The following C3orf49 variants were observed in gnomAD, a reference collection of about 807,000 sequenced individuals.
C3orf49 encodes the protein putative uncharacterized protein C3orf49.
Under a neutral mutation model 13.3 loss-of-function variants are expected in C3orf49, and 27 were observed. The ratio of observed to expected loss-of-function variants is 2.02; its 90% CI spans 1.49 to 2.79. The LOEUF (loss-of-function observed/expected upper bound fraction) is 2.79, where lower values mean the gene tolerates loss of function less well. Ranked by LOEUF, C3orf49 falls within the 30% of genes most tolerant of loss-of-function variation. The pLI is 0.00. For synonymous variants in C3orf49, 87 were observed against 47.6 expected, an observed-to-expected ratio of 1.83 and a Z score of -3.40; for missense variants, 242 against 134.2, an observed-to-expected ratio of 1.80 and a Z score of -3.97.
chr3:63,781,117 T>C, the C3orf49 span, among the ~76,000 whole-genome samples: 3 of 151,096 alleles, frequency 2.0e-5, no homozygotes, highest in Non-Finnish European at 2.9e-5. Flanking sequence ...GTTTTTATGG[T>C]TTTAGGTCTA....
At chr3:63,801,584 A>G in the C3orf49 span, among the ~76,000 whole-genome samples, 1 of 152,202 alleles carries the variant, frequency 6.6e-6, no homozygotes, top group Non-Finnish European at 1.5e-5. Context: ...TACGTAATAG[A>G]AATAAGAGTA....
At position 63,844,267 on chromosome 3, in the gene C3orf49, A is replaced by G. The variant is rs563112328; in HGVS notation, c.850-756A>G. On this transcript the variant is annotated intron_variant, in intron 5 of 6. Coordinates refer to ENST00000295896, the MANE Select transcript of C3orf49 (RefSeq NM_001355236.2). ...ATACTTACAGTTAGGCAAGAGCAATAAATTTCAAGAGACCTAATTGTACAG... is the reference window on the plus strand; with the variant it reads ...ATACTTACAGTTAGGCAAGAGCAATGAATTTCAAGAGACCTAATTGTACAG... Among the ~76,000 whole-genome samples the G allele has an allele frequency of 5.3e-5, 8 of 152,344 alleles. No individual in the cohort carries two copies. The South Asian group carries it at 1.5e-3, about 28-fold the overall frequency.
At chr3:63,840,363 G>A (rs1701730814) in intron 5 of C3orf49, among the ~76,000 whole-genome samples, 1 of 152,086 alleles carries the variant, frequency 6.6e-6, no homozygotes, top group Admixed American at 6.6e-5. Context: ...GGGTGGCTAA[G>A]GGAGTATCAC....
At chr3:63,840,901 C>A (rs1319700079) in intron 5 of C3orf49, among the ~76,000 whole-genome samples, 1 of 152,336 alleles carries the variant, frequency 6.6e-6, no homozygotes, top group East Asian at 1.9e-4. Context: ...TAAAAACACA[C>A]TACCATTCTG....
rs1701366663 is a variant in C3orf49, at chr3:63,819,406, ATTGAAG to A, written c.-64_-59del. The A allele has an allele frequency of 1.5e-6, 1 of 685,662 alleles. No homozygotes were observed. Among genetic ancestry groups the A allele is most frequent in the African/African-American group, 1.8e-5 (1 of 56,432 alleles). 42.5% of individuals were successfully genotyped at this position (685,662 alleles called of 1,614,324 possible). On this transcript the variant is annotated 5_prime_UTR_variant, in exon 1 of 7. It removes the in-frame stop codon of an upstream open reading frame in the 5' UTR. Coordinates refer to ENST00000295896, the MANE Select transcript of C3orf49 (RefSeq NM_001355236.2). ...ACATTCAGTCACTGGATGATTTTGT[ATTGAAG>A]TCTGTAAGTTCAAGAACTAAAACAA...
chr3:63,817,168 C>T (rs140141316), upstream of C3orf49, among the ~76,000 whole-genome samples: 8 of 152,200 alleles, frequency 5.3e-5, no homozygotes, highest in East Asian at 9.7e-4. Flanking sequence ...AATTTTCACA[C>T]GATTGGCTCT....
At chr3:63,788,421 AT>A in the C3orf49 span, among the ~76,000 whole-genome samples, 1 of 152,196 alleles carries the variant, frequency 6.6e-6, no homozygotes, top group Non-Finnish European at 1.5e-5. Flanking sequence ...TTTTAAAAAC[AT>A]TTTGAGAGGG....
intron 6 of C3orf49, among the ~76,000 whole-genome samples, chr3:63,846,901 T>C (rs1701909837): frequency 6.6e-6 from 1 of 152,096 alleles, no homozygotes; most frequent in African/African-American, 2.4e-5. Context: ...AAATTACAGT[T>C]TGAAAAGCCA....
At chr3:63,824,052 C>T (rs1053597012) in intron 2 of C3orf49, among the ~76,000 whole-genome samples, 7 of 152,048 alleles carry the variant, frequency 4.6e-5, no homozygotes, top group African/African-American at 1.4e-4. Context: ...CCGTTCGCCT[C>T]GGCCTCCCAA....
intron 5 of C3orf49, chr3:63,834,131 T>G: frequency 6.2e-7 from 1 of 1,614,080 alleles, no homozygotes; most frequent in Non-Finnish European, 8.5e-7. Flanking sequence ...AATTAGCCTG[T>G]CTATGGCTTA....
chr3:63,821,280 G>A (rs1405694688), intron 1 of C3orf49, among the ~76,000 whole-genome samples: 2 of 152,098 alleles, frequency 1.3e-5, no homozygotes, highest in Non-Finnish European at 2.9e-5. Context: ...TTTGGGTTCT[G>A]TTTAGAACAG....
At chr3:63,844,971 A>G in intron 5 of C3orf49, 52 bp from the exon 6 acceptor site, 1 of 656,406 alleles carries the variant, frequency 1.5e-6, no homozygotes, top group Non-Finnish European at 2.8e-6. Context: ...CTAGAATCAT[A>G]AATAAAGACA....
At chr3:63,813,358 A>T in the C3orf49 span, among the ~76,000 whole-genome samples, 4 of 152,216 alleles carry the variant, frequency 2.6e-5, no homozygotes, top group Non-Finnish European at 2.9e-5. Flanking sequence ...TGATATCAAC[A>T]GCATCTGAGA....
chr3:63,793,270 A>C, the C3orf49 span, among the ~76,000 whole-genome samples: 1 of 152,210 alleles, frequency 6.6e-6, no homozygotes, highest in Non-Finnish European at 1.5e-5. Flanking sequence ...CCACCAGGAC[A>C]TATCCATCAT....
chr3:63,792,121 G>A, the C3orf49 span, among the ~76,000 whole-genome samples: 3 of 152,182 alleles, frequency 2.0e-5, no homozygotes, highest in African/African-American at 7.2e-5. Context: ...ATTGCTTGCA[G>A]CAAAATGATT....
intron 5 of C3orf49, among the ~76,000 whole-genome samples, chr3:63,836,998 A>G (rs982710227): frequency 6.6e-6 from 1 of 151,974 alleles, no homozygotes; most frequent in African/African-American, 2.4e-5. Context: ...AAGTTGGTAT[A>G]TGTTACTGTA....
chr3:63,836,293 A>G, intron 5 of C3orf49: 1 of 1,611,972 alleles, frequency 6.2e-7, no homozygotes, highest in South Asian at 1.1e-5. Flanking sequence ...GTAAAGCTCT[A>G]CACTTACTTT....
intron 3 of C3orf49, among the ~76,000 whole-genome samples, chr3:63,829,356 T>C (rs1047132779): frequency 9.2e-5 from 14 of 152,094 alleles, no homozygotes; most frequent in African/African-American, 2.9e-4. Context: ...GCTAGAACAA[T>C]TGGGCATTCA....
At chr3:63,838,105 A>G (rs1319438772) in intron 5 of C3orf49, 3 of 1,501,652 alleles carry the variant, frequency 2.0e-6, no homozygotes, top group East Asian at 4.7e-5. Flanking sequence ...AACAAAATCA[A>G]TAATCCATTT....
Sources: gnomAD v4.1 joint callset for allele counts (sites outside exome capture counted in the v4.1 genomes callset) on GRCh38, gnomAD v4.1.1 for gene constraint, MANE v1.5 for transcripts, NCBI Gene and HGNC (gene_info 2026-07-23, HGNC 2026-07-21) for gene names.